Variants in LARGE1 observed in about 807,000 individuals in gnomAD.
LARGE1 encodes xylosyl- and glucuronyltransferase LARGE1.
LARGE1 carries 43 observed loss-of-function variants against 87.6 expected under a neutral mutation model. The ratio of observed to expected loss-of-function variants is 0.49; its 90% CI spans 0.38 to 0.63. The LOEUF is 0.63. Ranked by LOEUF, LARGE1 falls within the 30% of genes least tolerant of loss-of-function variation. The pLI is 0.00. For missense variants in LARGE1, 802 were observed against 1,000.2 expected, an observed-to-expected ratio of 0.80 and a Z score of 2.67; for synonymous variants, 434 against 394.6, an observed-to-expected ratio of 1.10 and a Z score of -1.18.
intron 12 of LARGE1, among the ~76,000 whole-genome samples, chr22:33,293,424 T>C (rs1445409708): frequency 6.6e-6 from 1 of 152,206 alleles, no homozygotes; most frequent in Non-Finnish European, 1.5e-5. Flanking sequence ...AGCTAGTAGT[T>C]ATCATCATCA....
At chr22:33,742,560 T>A (rs1387113502) in intron 2 of LARGE1, among the ~76,000 whole-genome samples, 1 of 152,220 alleles carries the variant, frequency 6.6e-6, no homozygotes, top group African/African-American at 2.4e-5. Context: ...CAAGGCCATG[T>A]AGCCAGCAAG....
the LARGE1 span, among the ~76,000 whole-genome samples, chr22:33,123,467 C>CG: frequency 4.6e-5 from 7 of 152,208 alleles, no homozygotes; most frequent in East Asian, 1.4e-3. Context: ...CTGCTGTCCC[C>CG]ATGTCTAGTA....
At chr22:33,405,707 A>G (rs2066073102) in intron 7 of LARGE1, among the ~76,000 whole-genome samples, 1 of 152,172 alleles carries the variant, frequency 6.6e-6, no homozygotes, top group Admixed American at 6.5e-5. Context: ...AACGATCCTT[A>G]CAAACGATGT....
At chr22:33,734,814 A>G (rs1370135438) in intron 2 of LARGE1, among the ~76,000 whole-genome samples, 1 of 151,970 alleles carries the variant, frequency 6.6e-6, no homozygotes, top group African/African-American at 2.4e-5. Context: ...GCCCCTTCAG[A>G]GTAAGGGGTT....
At chr22:33,347,647 T>C (rs1172632362) in intron 9 of LARGE1, among the ~76,000 whole-genome samples, 1 of 152,196 alleles carries the variant, frequency 6.6e-6, no homozygotes, top group Non-Finnish European at 1.5e-5. Flanking sequence ...TCTTCGGGAT[T>C]ATGACACATG....
chr22:33,526,096 C>A (rs903642826), intron 6 of LARGE1, among the ~76,000 whole-genome samples: 1 of 152,010 alleles, frequency 6.6e-6, no homozygotes, highest in African/African-American at 2.4e-5. Context: ...GAGTATAATG[C>A]GGCCATAAAA....
chr22:33,636,020 G>A (rs955489359), intron 3 of LARGE1, among the ~76,000 whole-genome samples: 2 of 152,152 alleles, frequency 1.3e-5, no homozygotes, highest in African/African-American at 2.4e-5. Flanking sequence ...TCCCCTCCAC[G>A]GCAAGGCACA....
intron 2 of LARGE1, among the ~76,000 whole-genome samples, chr22:33,695,030 T>C (rs1378973316): frequency 1.3e-5 from 2 of 152,150 alleles, no homozygotes; most frequent in African/African-American, 4.8e-5. Context: ...GTATACTCTC[T>C]ATTCAATTCA....
intron 6 of LARGE1, among the ~76,000 whole-genome samples, chr22:33,514,265 G>A (rs1002724810): frequency 4.0e-5 from 5 of 125,694 alleles, no homozygotes; most frequent in Admixed American, 3.7e-4. Context: ...TCTTTCAGTC[G>A]GCTAGTCTAT....
intron 6 of LARGE1, among the ~76,000 whole-genome samples, chr22:33,497,169 T>C (rs1014228101): frequency 3.3e-5 from 5 of 151,284 alleles, no homozygotes; most frequent in African/African-American, 9.7e-5. Flanking sequence ...TCTGACTCCC[T>C]GGTTCAAGCG....
chr22:33,421,901 A>G (rs2066709124), intron 7 of LARGE1, among the ~76,000 whole-genome samples: 1 of 152,238 alleles, frequency 6.6e-6, no homozygotes, highest in African/African-American at 2.4e-5. Context: ...CCTGAGGCCA[A>G]AGAAGATTCT....
intron 7 of LARGE1, among the ~76,000 whole-genome samples, chr22:33,400,115 G>C (rs2065885800): frequency 6.6e-6 from 1 of 152,194 alleles, no homozygotes; most frequent in African/African-American, 2.4e-5. Context: ...GACAAGACAG[G>C]CTTTCACAGG....
At chr22:33,220,560 G>A (rs565403711) in intron 11 of LARGE1, among the ~76,000 whole-genome samples, 7 of 152,244 alleles carry the variant, frequency 4.6e-5, no homozygotes, top group East Asian at 1.9e-4. Flanking sequence ...AAGCTTGTAC[G>A]TCAGCTTTTC....
chr22:33,289,262 C>A (rs1385555393), intron 12 of LARGE1, among the ~76,000 whole-genome samples: 1 of 152,040 alleles, frequency 6.6e-6, no homozygotes, highest in Non-Finnish European at 1.5e-5. Flanking sequence ...CCAGCTGGAC[C>A]AAGGAGTTCT....
At chr22:33,725,665 T>C (rs1439717381) in intron 2 of LARGE1, 4 of 152,382 alleles carry the variant, frequency 2.6e-5, no homozygotes, top group Admixed American at 6.5e-5. Flanking sequence ...GGTGTGTGAC[T>C]GTGAACCGCA....
At chr22:33,571,021 CA>C (rs2078185708) in intron 5 of LARGE1, among the ~76,000 whole-genome samples, 1 of 152,134 alleles carries the variant, frequency 6.6e-6, no homozygotes, top group African/African-American at 2.4e-5. Flanking sequence ...TCATCACTAT[CA>C]ACACGCCAAA....
At chr22:33,731,984 A>G (rs2083485456) in intron 2 of LARGE1, among the ~76,000 whole-genome samples, 1 of 152,236 alleles carries the variant, frequency 6.6e-6, no homozygotes, top group African/African-American at 2.4e-5. Context: ...ATAATGATTA[A>G]GCATTCAAAT....
chr22:33,369,225 T>C (rs1360394617), intron 9 of LARGE1, among the ~76,000 whole-genome samples: 2 of 152,230 alleles, frequency 1.3e-5, no homozygotes, highest in Non-Finnish European at 2.9e-5. Context: ...ATTACCAAAA[T>C]GTCACAGGAA....
chr22:33,187,550 A>T (rs1407472221), intron 11 of LARGE1, among the ~76,000 whole-genome samples: 2 of 152,138 alleles, frequency 1.3e-5, no homozygotes, highest in African/African-American at 4.8e-5. Flanking sequence ...TAGTTACATA[A>T]GGGAAATAAG....
Sources: allele counts gnomAD v4.1 joint callset (sites outside exome capture counted in the v4.1 genomes callset), GRCh38; gene constraint gnomAD v4.1.1; transcripts MANE v1.5; gene names NCBI Gene and HGNC (gene_info 2026-07-23, HGNC 2026-07-21).